Variants in SIRPB1 observed in about 807,000 individuals in gnomAD.
SIRPB1 encodes the protein signal-regulatory protein beta-1.
In SIRPB1, 28 loss-of-function variants were observed where a neutral mutation model predicts 34.1. The ratio of observed to expected loss-of-function variants is 0.82; its 90% CI spans 0.61 to 1.12. The LOEUF (loss-of-function observed/expected upper bound fraction) is 1.12, where lower values mean the gene tolerates loss of function less well. Ranked by LOEUF, SIRPB1 falls within the 50% of genes most tolerant of loss-of-function variation. The probability of loss-of-function intolerance (pLI) is 0.00; values close to 1 mark genes in which losing one functional copy is unlikely to be tolerated. For missense variants in SIRPB1, 499 were observed against 507.0 expected (o/e 0.98, Z 0.15); for synonymous variants, 211 against 203.8 (o/e 1.04, Z -0.30).
At position 1,583,194 on chromosome 20, in the gene SIRPB1, C is replaced by T. The variant is rs1379406752; in HGVS notation, c.77-4500G>A. Among the ~76,000 whole-genome samples the T allele has an allele frequency of 4.1e-5, 2 of 48,772 alleles. 1 individual carries two copies. The highest frequency in any genetic ancestry group is 7.9e-5 in the Non-Finnish European group (2 of 25,326). 32.0% of individuals were successfully genotyped at this position (48,772 alleles called of 152,430 possible). A position where few individuals can be genotyped will look rare whatever the true frequency, so the allele number is the denominator to read the frequency against. ...TCCCTGCCCTCATGAGCAGCATCTG[C>T]GGAAATTTCATGGAATAAGATCAAG... On this transcript the variant is annotated intron_variant, in intron 1 of 5. Transcript: ENST00000381605.
rs1394587785 is a variant in SIRPB1 at position 1,563,748 on chromosome 20, GAGCGA to G, written c.*1747_*1751del. ...GTGGCAGGAGGGAGAGAGAGAGAGA[GAGCGA>G]AGGGGGACTTGCCACACACTTTCAA... is the stretch of plus-strand genomic sequence containing the variant. On this transcript the variant is annotated 3_prime_UTR_variant, in exon 6 of 6. Transcript: ENST00000381605. The G allele has an allele frequency of 6.6e-6, 1 of 152,090 alleles. No individual in the cohort carries two copies. The highest frequency in any genetic ancestry group is 1.5e-5 in the Non-Finnish European group (1 of 68,026). 9.4% of individuals were successfully genotyped at this position (152,090 alleles called of 1,614,324 possible). A position where few individuals can be genotyped will look rare whatever the true frequency, so the allele number is the denominator to read the frequency against.
At chr20:1,614,658 G>A (rs1330813047) in intron 1 of SIRPB1, among the ~76,000 whole-genome samples, 1 of 151,970 alleles carries the variant, frequency 6.6e-6, no homozygotes, top group Non-Finnish European at 1.5e-5. Context: ...GGAACTGTGA[G>A]TATGCCTCTT....
At chr20:1,565,781 T>C (rs1245329151) in intron 5 of SIRPB1, among the ~76,000 whole-genome samples, 1 of 151,330 alleles carries the variant, frequency 6.6e-6, no homozygotes, top group African/African-American at 2.4e-5. Context: ...TTCTCAACAC[T>C]ACGGTGGGGA....
chr20:1,571,805 G>T lies in SIRPB1; in HGVS notation c.666C>A (p.His222Gln), dbSNP rs146852997. Residue 222 changes from histidine (H) to glutamine (Q), a missense_variant, in exon 3 of 6, where the codon CAC (histidine) becomes CAA (glutamine). Physicochemically the swap from His to Gln is conservative, Grantham distance 24 (BLOSUM62 0). Transcript: ENST00000381605. ...GGGCTATCTCGCAGATGACTTGAGAGTGAACGTCCCCACGGGTCAGCACCA... is the reference window on the plus strand; with the variant it reads ...GGGCTATCTCGCAGATGACTTGAGATTGAACGTCCCCACGGGTCAGCACCA... ...ARVVLTRGDV[H>Q]SQVICEIAHI... The T allele has an allele frequency of 6.2e-7, 1 of 1,614,250 alleles. No individual in the cohort carries two copies. The highest frequency in any genetic ancestry group is 1.7e-5 in the Admixed American group (1 of 60,032).
At chr20:1,566,023 C>G (rs1477155941) in intron 5 of SIRPB1, 130 bp downstream of exon 5, 11 of 616,280 alleles carry the variant, frequency 1.8e-5, no homozygotes, top group Non-Finnish European at 3.2e-5. Context: ...TCCTGAGTAT[C>G]CTGAGGGAGC....
In SIRPB1 at chr20:1,619,970, G is replaced by T; in HGVS notation, c.-26C>A. The stretch of plus-strand genomic sequence containing the variant: ...TCTGGAGACCTTAGGAGCCTGCTCT[G>T]TCCAAACGTCTGTGCTGGGAAGATC... On this transcript the variant is annotated 5_prime_UTR_variant, in exon 1 of 6. Coordinates refer to ENST00000381605, the MANE Select transcript of SIRPB1 (RefSeq NM_006065.5). 6.2e-7 allele frequency: 1 copy of T among 1,604,922 alleles called. No individual in the cohort carries two copies. Among genetic ancestry groups the T allele is most frequent in the Non-Finnish European group, 8.5e-7 (1 of 1,175,824 alleles).
At position 1,581,269 on chromosome 20, in the gene SIRPB1, T is replaced by C. The variant is rs1405513426; in HGVS notation, c.77-2575A>G. Among the ~76,000 whole-genome samples the C allele has an allele frequency of 4.1e-5, 2 of 48,308 alleles. 1 individual carries two copies. Among genetic ancestry groups the C allele is most frequent in the Admixed American group, 2.8e-4 (2 of 7,190 alleles). The allele number at this position is 48,308 out of a possible 152,430, so 31.7% of individuals were successfully genotyped here. ...AAAGTTGTATGAAGAAATAAAGATA[T>C]CCAGTTATGTGTACATTTTTTAAAA... On this transcript the variant is annotated intron_variant, in intron 1 of 5. Coordinates refer to ENST00000381605, the MANE Select transcript of SIRPB1 (RefSeq NM_006065.5).
At chr20:1,576,736 G>T (rs2091316809) in intron 2 of SIRPB1, among the ~76,000 whole-genome samples, 1 of 148,438 alleles carries the variant, frequency 6.7e-6, no homozygotes, top group East Asian at 1.9e-4. Flanking sequence ...GAGAAACCCT[G>T]TCTCTACAAA....
Position 1,599,294 on chromosome 20 carries a change from A to G in SIRPB1, c.76+20575T>C, listed in dbSNP as rs1287434057. 4.1e-5 allele frequency among the ~76,000 whole-genome samples: 2 copies of G among 48,514 alleles called. 1 individual carries two copies. Among genetic ancestry groups the G allele is most frequent in the African/African-American group, 2.7e-4 (2 of 7,278 alleles). The allele number at this position is 48,514 out of a possible 152,430, so 31.8% of individuals were successfully genotyped here. A position where few individuals can be genotyped will look rare whatever the true frequency, so the allele number is the denominator to read the frequency against. On this transcript the variant is annotated intron_variant, in intron 1 of 5. Transcript: ENST00000381605. The stretch of plus-strand genomic sequence containing the variant: ...AAATTGAGGCTCAGAGAATTTAGGG[A>G]GGGTCACAAGGTTGCTCGCATCCAA...
At chr20:1,615,891 A>AT (rs2091622124) in intron 1 of SIRPB1, among the ~76,000 whole-genome samples, 1 of 152,188 alleles carries the variant, frequency 6.6e-6, no homozygotes, top group African/African-American at 2.4e-5. Context: ...GATTTTATTT[A>AT]CCTATTTATC....
At chr20:1,618,124 T>C (rs2091657893) in intron 1 of SIRPB1, among the ~76,000 whole-genome samples, 1 of 152,224 alleles carries the variant, frequency 6.6e-6, no homozygotes, top group South Asian at 2.1e-4. Flanking sequence ...CAACACACGT[T>C]AAAATCTCAT....
chr20:1,614,719 C>T (rs1227736680), intron 1 of SIRPB1, among the ~76,000 whole-genome samples: 1 of 151,968 alleles, frequency 6.6e-6, no homozygotes, highest in Non-Finnish European at 1.5e-5. Flanking sequence ...ATTCAACCAG[C>T]AGGAATCACT....
Position 1,570,813 on chromosome 20 carries a change from A to G in SIRPB1, c.1076T>C (p.Ile359Thr). 1 of 1,610,060 alleles carries G rather than the reference A, an allele frequency of 6.2e-7. No homozygotes were observed. The change falls in exon 4 of 6, where the codon ATC (isoleucine) becomes ACC (threonine). Residue 359 changes from isoleucine (I) to threonine (T), a missense_variant. Ile to Thr is a moderately conservative substitution (Grantham distance 89, BLOSUM62 -1). Transcript: ENST00000381605. Reference protein sequence around the residue: ...SAHQKEHGSDITHEAALAPTA... With the variant: ...SAHQKEHGSDTTHEAALAPTA... Reference sequence around the variant, plus strand: ...ATGGGAAGTAACCGCACCATGGGTGATATCTGAGCCGTGCTCCTTCTGGTG... The same window carrying G: ...ATGGGAAGTAACCGCACCATGGGTGGTATCTGAGCCGTGCTCCTTCTGGTG...
rs190291057 is a variant in SIRPB1 at position 1,606,726 on chromosome 20, C to T, written c.76+13143G>A. Among the ~76,000 whole-genome samples, 3 of 49,400 alleles carry T rather than the reference C, an allele frequency of 6.1e-5. 1 individual carries two copies. In the East Asian group the frequency reaches 1.9e-3, roughly 32 times the overall value. The allele number at this position is 49,400 out of a possible 152,430, so 32.4% of individuals were successfully genotyped here. ...GCTCTCTCTGTACCTCTCAACACTT[C>T]AATCCTCCCTCTATTTGTCAGAGGG... On this transcript the variant is annotated intron_variant, in intron 1 of 5. Transcript: ENST00000381605.
Position 1,561,550 on chromosome 20 carries a change from T to C in SIRPB1, c.*3950A>G, listed in dbSNP as rs917354939. Among the ~76,000 whole-genome samples, 2 of 152,220 alleles carry C rather than the reference T, an allele frequency of 1.3e-5. No individual in the cohort carries two copies. Among genetic ancestry groups the C allele is most frequent in the African/African-American group, 4.8e-5 (2 of 41,448 alleles). On this transcript the variant is annotated 3_prime_UTR_variant, in exon 6 of 6. Transcript: ENST00000381605. ...AGACTTTCCTTGATTTTGATGACCT[T>C]GACAGTTTTGAGGAGTTCTGGGCCC...
chr20:1,617,446 T>C (rs2091646121), intron 1 of SIRPB1, among the ~76,000 whole-genome samples: 1 of 152,096 alleles, frequency 6.6e-6, no homozygotes, highest in Non-Finnish European at 1.5e-5. Context: ...AGAAAGACAA[T>C]ACTGCATAAT....
chr20:1,568,377 G>A (rs1219908946), intron 4 of SIRPB1, among the ~76,000 whole-genome samples: 7 of 152,098 alleles, frequency 4.6e-5, no homozygotes, highest in Non-Finnish European at 7.4e-5. Context: ...AACCTAAAAT[G>A]CATTTCCAGA....
rs187233061 is a variant in SIRPB1 at position 1,589,247 on chromosome 20, G to A, written c.77-10553C>T. On this transcript the variant is annotated intron_variant, in intron 1 of 5. Coordinates refer to ENST00000381605, the MANE Select transcript of SIRPB1 (RefSeq NM_006065.5). ...TTTCATGGGCCTGAATCCAGCAGAA[G>A]AAATCATTTCCCAACTTCTTCCAGG... Among the ~76,000 whole-genome samples, 2 of 49,294 alleles carry A rather than the reference G, an allele frequency of 4.1e-5. 1 individual carries two copies. The highest frequency in any genetic ancestry group is 1.2e-3 in the East Asian group (2 of 1,722). The allele number at this position is 49,294 out of a possible 152,430, so 32.3% of individuals were successfully genotyped here. A position where few individuals can be genotyped will look rare whatever the true frequency, so the allele number is the denominator to read the frequency against.
chr20:1,578,818 C>T, intron 1 of SIRPB1, 124 bp from the exon 2 acceptor site: 1 of 770,928 alleles, frequency 1.3e-6, no homozygotes, highest in Non-Finnish European at 2.2e-6. Flanking sequence ...GCTCAGCCCA[C>T]TACATGTATT....
Sources: gnomAD v4.1 joint callset for allele counts (sites outside exome capture counted in the v4.1 genomes callset) on GRCh38, gnomAD v4.1.1 for gene constraint, MANE v1.5 for transcripts, NCBI Gene and HGNC (gene_info 2026-07-23, HGNC 2026-07-21) for gene names.